PROSER2: variants seen among roughly 807,000 people sequenced by gnomAD.
The protein encoded by PROSER2 is proline and serine-rich protein 2.
In PROSER2, 18 loss-of-function variants were observed where a neutral mutation model predicts 14.6. The ratio of observed to expected loss-of-function variants is 1.23; its 90% CI spans 0.85 to 1.83. The LOEUF is 1.83. PROSER2 is among the 40% of genes most tolerant of loss of function. The pLI, the probability that PROSER2 is intolerant of heterozygous loss-of-function variation, is 0.00. For synonymous variants in PROSER2, 367 were observed against 286.4 expected, an observed-to-expected ratio of 1.28 and a Z score of -2.84; for missense variants, 823 against 629.8, an observed-to-expected ratio of 1.31 and a Z score of -3.28.
rs1191435685 is a variant in PROSER2, at chr10:11,869,967, A to ACGGCCACGCCGGCGC, written c.871_885dup (p.Gly291_Ala295dup). 4 of 1,372,954 alleles carry ACGGCCACGCCGGCGC rather than the reference A, an allele frequency of 2.9e-6. No individual in the cohort carries two copies. The highest frequency in any genetic ancestry group is 3.7e-6 in the Non-Finnish European group (4 of 1,066,734). 85.0% of individuals were successfully genotyped at this position (1,372,954 alleles called of 1,614,324 possible). On this transcript the variant is annotated inframe_insertion, in exon 4 of 4. Transcript: ENST00000277570. This position sits in a 1 kb window ranked among gnomAD's most constrained non-coding sequence, Gnocchi z 4.4. The stretch of plus-strand genomic sequence containing the variant: ...AGGGCGCAGGTGTTGGCCACCATCC[A>ACGGCCACGCCGGCGC]CGGCCACGCCGGCGCCTTCCCCGCC...
At chr10:11,852,388 C>A (rs1241314196) in intron 2 of PROSER2, among the ~76,000 whole-genome samples, 173 bp downstream of exon 2, 2 of 152,154 alleles carry the variant, frequency 1.3e-5, no homozygotes, top group Non-Finnish European at 2.9e-5. Flanking sequence ...AAATTTTGCA[C>A]AAATACAGAG....
At chr10:11,864,121 C>G (rs148015190) in intron 2 of PROSER2, among the ~76,000 whole-genome samples, 2,115 of 152,274 alleles carry the variant, frequency 0.014, 20 homozygotes, top group Admixed American at 0.033. Flanking sequence ...CATGGGAGAT[C>G]AGATTGAAGA....
In PROSER2 at chr10:11,836,248, G is replaced by A. The variant is rs1833759310; in HGVS notation, c.-82+12778G>A. ...GTCTCACTCTGTTGGCCAGGCTGGT[G>A]TGCAGTGGTGTGATCTCCACTCACT... On this transcript the variant is annotated intron_variant, in intron 1 of 3. Transcript: ENST00000277570. This position sits in a 1 kb window ranked among gnomAD's most constrained non-coding sequence, Gnocchi z 4.6. 6.6e-6 allele frequency among the ~76,000 whole-genome samples: 1 copy of A among 151,930 alleles called. No individual in the cohort carries two copies. The highest frequency in any genetic ancestry group is 6.6e-5 in the Admixed American group (1 of 15,236).
intron 1 of PROSER2, among the ~76,000 whole-genome samples, chr10:11,848,114 A>T (rs1365365667): frequency 1.3e-5 from 2 of 152,024 alleles, no homozygotes; most frequent in Admixed American, 6.6e-5. Context: ...TTCCCTGTCA[A>T]AGTGGGAGTG....
chr10:11,845,697 G>A (rs1291592570), intron 1 of PROSER2, among the ~76,000 whole-genome samples: 2 of 152,138 alleles, frequency 1.3e-5, no homozygotes, highest in East Asian at 3.9e-4. Context: ...GAGAGGAAGG[G>A]CAGAGGCTGG....
At chr10:11,851,184 C>G (rs1008344241) in intron 1 of PROSER2, 1 of 152,264 alleles carries the variant, frequency 6.6e-6, no homozygotes, top group African/African-American at 2.4e-5. Context: ...CCACTGCACT[C>G]CAGCCTGGAT....
In PROSER2 at chr10:11,869,957, G is replaced by A; in HGVS notation, c.859G>A (p.Ala287Thr). ...GCAGGAGCGCAGGGCGCAGGTGTTG[G>A]CCACCATCCACGGCCACGCCGGCGC... ...SVQERRAQVL[A>T]TIHGHAGAFP... Residue 287 changes from alanine (A) to threonine (T), a missense_variant, in exon 4 of 4, where the codon GCC becomes ACC. By Grantham distance (58) the Ala-to-Thr change is moderately conservative. Coordinates refer to ENST00000277570, the MANE Select transcript of PROSER2 (RefSeq NM_153256.4). This position sits in a 1 kb window ranked among gnomAD's most constrained non-coding sequence, Gnocchi z 4.4. 6.9e-7 allele frequency: 1 copy of A among 1,444,182 alleles called. No homozygotes were observed. Among genetic ancestry groups the A allele is most frequent in the Non-Finnish European group, 9.1e-7 (1 of 1,103,220 alleles). 89.5% of individuals were successfully genotyped at this position (1,444,182 alleles called of 1,614,324 possible). A position where few individuals can be genotyped will look rare whatever the true frequency, so the allele number is the denominator to read the frequency against.
intron 2 of PROSER2, among the ~76,000 whole-genome samples, chr10:11,854,388 G>A (rs1834083214): frequency 6.6e-6 from 1 of 152,232 alleles, no homozygotes; most frequent in Non-Finnish European, 1.5e-5. Context: ...GCTTACTGCA[G>A]CCGTGACCTC....
rs891843996 is a variant in PROSER2, at chr10:11,869,283, C to T, written c.392-207C>T. 2 of 600,472 alleles carry T rather than the reference C, an allele frequency of 3.3e-6. No homozygotes were observed. The highest frequency in any genetic ancestry group is 3.7e-5 in the African/African-American group (2 of 53,756). 37.2% of individuals were successfully genotyped at this position (600,472 alleles called of 1,614,324 possible). ...GACTTGCAGGGCTATCGTGATTGTC[C>T]CTTATCAGCGTGAGGTCATGAGCAT... On this transcript the variant is annotated intron_variant, in intron 3 of 3. Coordinates refer to ENST00000277570, the MANE Select transcript of PROSER2 (RefSeq NM_153256.4). This position sits in a 1 kb window ranked among gnomAD's most constrained non-coding sequence, Gnocchi z 4.4.
intron 1 of PROSER2, among the ~76,000 whole-genome samples, chr10:11,846,100 C>A (rs1034454311): frequency 2.6e-5 from 4 of 152,192 alleles, no homozygotes; most frequent in Non-Finnish European, 5.9e-5. Context: ...GACCCTCCTG[C>A]CTCAGTCTCC....
At chr10:11,832,531 G>A (rs1000701120) in intron 1 of PROSER2, among the ~76,000 whole-genome samples, 1 of 152,162 alleles carries the variant, frequency 6.6e-6, no homozygotes, top group African/African-American at 2.4e-5. Context: ...CTGGGTTAGC[G>A]TGTGTAATGT....
intron 1 of PROSER2, chr10:11,850,164 GAC>G (rs1407923371): frequency 1.3e-5 from 2 of 152,272 alleles, no homozygotes; most frequent in Middle Eastern, 3.2e-3. Context: ...GGATACAACT[GAC>G]GTCGTAAAGG....
intron 2 of PROSER2, among the ~76,000 whole-genome samples, chr10:11,861,016 G>C (rs1349785496): frequency 6.6e-6 from 1 of 151,800 alleles, no homozygotes; most frequent in Non-Finnish European, 1.5e-5. Context: ...TGAGGCAGGA[G>C]AATTGCTTGA....
At chr10:11,847,656 T>G (rs192253966) in intron 1 of PROSER2, among the ~76,000 whole-genome samples, 1 of 151,804 alleles carries the variant, frequency 6.6e-6, no homozygotes, top group African/African-American at 2.4e-5. Flanking sequence ...TGACCTCAAG[T>G]GATCCACCCA....
intron 1 of PROSER2, among the ~76,000 whole-genome samples, chr10:11,842,426 A>G (rs1430531757): frequency 6.7e-6 from 1 of 150,198 alleles, no homozygotes; most frequent in Non-Finnish European, 1.5e-5. Context: ...TAGATGGTAA[A>G]TGTTCTGGGT....
intron 1 of PROSER2, among the ~76,000 whole-genome samples, chr10:11,828,872 A>G (rs868393233): frequency 2.0e-5 from 3 of 152,292 alleles, no homozygotes; most frequent in Non-Finnish European, 4.4e-5. Flanking sequence ...TGAATTGATA[A>G]CAGAGACCCA....
At chr10:11,855,850 G>A (rs557445356) in intron 2 of PROSER2, among the ~76,000 whole-genome samples, 5 of 152,196 alleles carry the variant, frequency 3.3e-5, no homozygotes, top group Non-Finnish European at 5.9e-5. Context: ...GAGGCTATCC[G>A]TATGGCCACA....
rs143018270 is a variant in PROSER2 at position 11,837,237 on chromosome 10, C to T, written c.-82+13767C>T. On this transcript the variant is annotated intron_variant, in intron 1 of 3. Transcript: ENST00000277570. This position sits in a 1 kb window ranked among gnomAD's most constrained non-coding sequence, Gnocchi z 4.6. ...AGAAAAAAAAATCAAATGCTGAGGT[C>T]GCTGAGACCTACTGTAAGAACAAAT... 8.4e-3 allele frequency among the ~76,000 whole-genome samples: 1,285 copies of T among 152,236 alleles called. 22 individuals are homozygous for T. Among genetic ancestry groups the T allele is most frequent in the African/African-American group, 0.029 (1,211 of 41,542 alleles).
chr10:11,870,107 C>T lies in PROSER2; in HGVS notation c.1009C>T (p.Arg337Trp), dbSNP rs1011290795. Residue 337 changes from arginine (R) to tryptophan (W), a missense_variant, in exon 4 of 4, where the codon CGG (arginine) becomes TGG (tryptophan). Coordinates refer to ENST00000277570, the MANE Select transcript of PROSER2 (RefSeq NM_153256.4). ...TCTCCGGGCAGGGGGTCAGGCTCCG[C>T]GGGGCCCGGCGCTGGCCAACGGCTT... Reference protein sequence around the residue: ...ESLRAGGQAPRGPALANGFPS... With the variant: ...ESLRAGGQAPWGPALANGFPS... 6.8e-5 allele frequency: 90 copies of T among 1,324,180 alleles called. No individual in the cohort carries two copies. The highest frequency in any genetic ancestry group is 8.5e-5 in the Non-Finnish European group (88 of 1,039,914). The allele number at this position is 1,324,180 out of a possible 1,614,324, so 82.0% of individuals were successfully genotyped here.
Sources: allele counts gnomAD v4.1 joint callset (sites outside exome capture counted in the v4.1 genomes callset), GRCh38; gene constraint gnomAD v4.1.1; non-coding constraint Gnocchi (gnomAD v3.1); transcripts MANE v1.5; gene names NCBI Gene and HGNC (gene_info 2026-07-23, HGNC 2026-07-21).